Variants in ROBO1 observed in about 807,000 individuals in gnomAD.
ROBO1 encodes the protein roundabout homolog 1.
ROBO1 carries 149 observed loss-of-function variants against 195.9 expected under a neutral mutation model. That is an observed-to-expected ratio of 0.76 (90% confidence interval 0.67 to 0.87). The LOEUF (loss-of-function observed/expected upper bound fraction) is 0.87, where lower values mean the gene tolerates loss of function less well. Among genes scored for constraint, ROBO1 ranks in the 40% least tolerant of loss-of-function variants. The pLI is 0.00. For synonymous variants in ROBO1, 816 were observed against 733.2 expected (o/e 1.11, Z -1.82); for missense variants, 1,933 against 2,068.3 (o/e 0.93, Z 1.27).
chr3:78,754,273 C>A (rs2082871436), intron 4 of ROBO1, among the ~76,000 whole-genome samples: 1 of 152,044 alleles, frequency 6.6e-6, no homozygotes, highest in South Asian at 2.1e-4. Context: ...GAAAGGAGGA[C>A]AAAGAATGCC....
At chr3:79,631,188 C>CA (rs1945329959) in intron 1 of ROBO1, among the ~76,000 whole-genome samples, 1 of 151,540 alleles carries the variant, frequency 6.6e-6, no homozygotes, top group South Asian at 2.1e-4. Flanking sequence ...TGCATTACCT[C>CA]AAAAAACAAA....
In ROBO1 at chr3:79,292,148, G is replaced by T. The variant is rs569022845; in HGVS notation, c.89-166609C>A. 4.6e-5 allele frequency among the ~76,000 whole-genome samples: 7 copies of T among 152,180 alleles called. No homozygotes were observed. The East Asian group carries it at 1.4e-3, about 29-fold the overall frequency. ...ATTCTATTTGTAGCAATTGTGAATG[G>T]GAATTCACTCATGATTTGGTTCTCT... On this transcript the variant is annotated intron_variant, in intron 2 of 30. Coordinates refer to ENST00000464233, the MANE Select transcript of ROBO1 (RefSeq NM_002941.4).
chr3:79,374,127 C>CA (rs1183600408), intron 2 of ROBO1, among the ~76,000 whole-genome samples: 1 of 152,138 alleles, frequency 6.6e-6, no homozygotes, highest in Non-Finnish European at 1.5e-5. Context: ...GATAAAGTAT[C>CA]AGTCATGGAA....
intron 4 of ROBO1, among the ~76,000 whole-genome samples, chr3:78,768,903 T>C (rs2083296710): frequency 6.7e-6 from 1 of 148,704 alleles, no homozygotes. Context: ...AGTGAGAATA[T>C]GCGGTGTTTG....
At chr3:79,691,443 AGTT>A (rs1487193409) in intron 1 of ROBO1, among the ~76,000 whole-genome samples, 31 of 151,472 alleles carry the variant, frequency 2.0e-4, no homozygotes. Flanking sequence ...TAGAATATGT[AGTT>A]ATCTGTATCT....
chr3:79,524,624 TATTAA>T (rs1239768980), intron 2 of ROBO1, among the ~76,000 whole-genome samples: 1 of 152,136 alleles, frequency 6.6e-6, no homozygotes, highest in Non-Finnish European at 1.5e-5. Context: ...TCCAAACTTA[TATTAA>T]CTGTGAAACA....
intron 1 of ROBO1, among the ~76,000 whole-genome samples, chr3:79,672,327 A>C (rs1451561037): frequency 7.2e-6 from 1 of 139,564 alleles, no homozygotes; most frequent in African/African-American, 3.0e-5. Context: ...ATAATGAAAG[A>C]TGACTTTGAA....
At chr3:79,226,229 A>G (rs1322031930) in intron 2 of ROBO1, among the ~76,000 whole-genome samples, 1 of 152,092 alleles carries the variant, frequency 6.6e-6, no homozygotes, top group Non-Finnish European at 1.5e-5. Flanking sequence ...CGTGGCAAAG[A>G]TTCTCCATAA....
intron 4 of ROBO1, among the ~76,000 whole-genome samples, chr3:78,811,584 AC>A (rs1235328040): frequency 6.6e-6 from 1 of 152,022 alleles, no homozygotes; most frequent in African/African-American, 2.4e-5. Flanking sequence ...TTTGATGAGC[AC>A]CTTTATGATC....
chr3:79,730,887 C>A (rs1189406071), intron 1 of ROBO1, among the ~76,000 whole-genome samples: 3 of 149,866 alleles, frequency 2.0e-5, no homozygotes, highest in Admixed American at 6.7e-5. Context: ...ACGCCATTCT[C>A]CTGCCTCAGC....
At chr3:79,656,492 A>G (rs929676901) in intron 1 of ROBO1, among the ~76,000 whole-genome samples, 1 of 152,074 alleles carries the variant, frequency 6.6e-6, no homozygotes, top group South Asian at 2.1e-4. Context: ...TTATTGAATG[A>G]GACATTTTAT....
At chr3:78,616,392 G>A (rs900657101) in intron 27 of ROBO1, among the ~76,000 whole-genome samples, 3 of 152,088 alleles carry the variant, frequency 2.0e-5, no homozygotes, top group African/African-American at 7.2e-5. Flanking sequence ...ATATTTGATT[G>A]AATGACATAA....
intron 2 of ROBO1, among the ~76,000 whole-genome samples, chr3:79,216,393 T>C (rs943854499): frequency 2.6e-5 from 4 of 152,090 alleles, no homozygotes; most frequent in African/African-American, 4.8e-5. Context: ...ATGCATGATT[T>C]ATTCTTGGAT....
At chr3:79,671,424 C>T (rs944468899) in intron 1 of ROBO1, among the ~76,000 whole-genome samples, 3 of 151,790 alleles carry the variant, frequency 2.0e-5, no homozygotes, top group Non-Finnish European at 4.4e-5. Context: ...TTTTTCTAAA[C>T]ACTCTCATTG....
chr3:78,705,206 T>C (rs1486777433), intron 8 of ROBO1, among the ~76,000 whole-genome samples: 2 of 152,106 alleles, frequency 1.3e-5, no homozygotes, highest in African/African-American at 2.4e-5. Context: ...TAATCAGCTA[T>C]AAAAAATGTC....
At chr3:79,255,739 C>T (rs564134928) in intron 2 of ROBO1, among the ~76,000 whole-genome samples, 2 of 152,226 alleles carry the variant, frequency 1.3e-5, no homozygotes, top group Admixed American at 1.3e-4. Flanking sequence ...AACTTAGACT[C>T]AAAACTGAAT....
At chr3:79,045,897 T>G (rs897111077) in intron 3 of ROBO1, among the ~76,000 whole-genome samples, 1 of 152,128 alleles carries the variant, frequency 6.6e-6, no homozygotes, top group Non-Finnish European at 1.5e-5. Flanking sequence ...GAAAAAGTTA[T>G]TTTTTCACGA....
chr3:78,658,504 C>T (rs534441897), intron 17 of ROBO1, among the ~76,000 whole-genome samples: 13 of 152,202 alleles, frequency 8.5e-5, no homozygotes, highest in Middle Eastern at 3.4e-3. Flanking sequence ...TTGGCCAGGC[C>T]GGCCTGACCT....
chr3:79,613,069 A>T (rs1002384079), intron 1 of ROBO1, among the ~76,000 whole-genome samples: 3 of 151,958 alleles, frequency 2.0e-5, no homozygotes, highest in African/African-American at 7.2e-5. Flanking sequence ...TATAACAAAA[A>T]ATGCATGTCC....
Sources: gnomAD v4.1 joint callset for allele counts (sites outside exome capture counted in the v4.1 genomes callset) on GRCh38, gnomAD v4.1.1 for gene constraint, MANE v1.5 for transcripts, NCBI Gene and HGNC (gene_info 2026-07-23, HGNC 2026-07-21) for gene names.